SLC23A2: variants seen among roughly 807,000 people sequenced by gnomAD.
SLC23A2 encodes Na(+)/L-ascorbic acid transporter 2.
SLC23A2 carries 36 observed loss-of-function variants against 73.3 expected under a neutral mutation model. The observed-to-expected ratio is 0.49, with a 90% CI of 0.38 to 0.65. The LOEUF (loss-of-function observed/expected upper bound fraction) is 0.65. SLC23A2 is among the 30% of genes least tolerant of loss of function. SLC23A2 has a pLI of 0.00. For missense variants in SLC23A2, 507 were observed against 841.6 expected (o/e 0.60, Z 4.92); for synonymous variants, 343 against 327.3 (o/e 1.05, Z -0.52).
chr20:4,898,099 C>A (rs1319090672), intron 6 of SLC23A2, among the ~76,000 whole-genome samples: 2 of 152,180 alleles, frequency 1.3e-5, no homozygotes, highest in Admixed American at 6.5e-5. Flanking sequence ...AGGTTGAGCC[C>A]TTCTTGGAAG....
chr20:4,956,800 CTTTTTTT>C (rs759658782), intron 2 of SLC23A2, among the ~76,000 whole-genome samples: 14 of 111,934 alleles, frequency 1.3e-4, no homozygotes, highest in South Asian at 6.1e-4. Flanking sequence ...CTTCCCTCTT[CTTTTTTT>C]TTTTTTTTTT....
intron 6 of SLC23A2, among the ~76,000 whole-genome samples, chr20:4,898,260 A>G (rs946608732): frequency 1.3e-5 from 2 of 152,218 alleles, no homozygotes; most frequent in African/African-American, 4.8e-5. Flanking sequence ...AGAGCTTGCC[A>G]GCCCCAAAGC....
chr20:4,997,151 C>T (rs1457475376), intron 1 of SLC23A2, among the ~76,000 whole-genome samples: 1 of 152,182 alleles, frequency 6.6e-6, no homozygotes, highest in Admixed American at 6.5e-5. Flanking sequence ...GGCTGGTCTC[C>T]TTGCTGTCCT....
In SLC23A2 at chr20:4,885,520, G is replaced by A. The variant is rs759280437; in HGVS notation, c.571+301C>T. 1.2e-3 allele frequency among the ~76,000 whole-genome samples: 188 copies of A among 152,338 alleles called. 2 individuals carry two copies. The highest frequency in any genetic ancestry group is 5.9e-4 in the Non-Finnish European group (40 of 68,024). On this transcript the variant is annotated intron_variant, in intron 7 of 16. Coordinates refer to ENST00000338244, the MANE Select transcript of SLC23A2 (RefSeq NM_005116.6). ...GGGTCATAAAATCCACTGAAAGAGA[G>A]AGGCAGAAAAATAGCACAAATATTT...
chr20:4,991,720 TCACACACACACACACA>T (rs11471369), intron 1 of SLC23A2, among the ~76,000 whole-genome samples: 41 of 139,424 alleles, frequency 2.9e-4, no homozygotes, highest in East Asian at 1.1e-3. Context: ...AGACTCCGTT[TCACACACACACACACA>T]CACACACACA....
chr20:4,884,757 C>A lies in SLC23A2; in HGVS notation c.638G>T (p.Arg213Leu), dbSNP rs200887058. 1.2e-6 allele frequency: 2 copies of A among 1,608,862 alleles called. No homozygotes were observed. Among genetic ancestry groups the A allele is most frequent in the African/African-American group, 1.3e-5 (1 of 74,846 alleles). The change falls in exon 8 of 17, where the codon CGA (arginine) becomes CTA (leucine). Residue 213 changes from arginine (R) to leucine (L), a missense_variant. Arg to Leu is a moderately radical substitution (Grantham distance 102). Coordinates refer to ENST00000338244, the MANE Select transcript of SLC23A2 (RefSeq NM_005116.6). ...CAGACAACGCTTGTCTTTTACCTCT[C>A]GGATCCGGGGATACCAGATGTGTTC... is the stretch of plus-strand genomic sequence containing the variant. ...HTEHIWYPRI[R>L]EIQGAIIMSS...
rs536519850 is a variant in SLC23A2 at position 4,862,537 on chromosome 20, C to G, written c.1486+241G>C. ...ATTTGAGTTAAATTGGTCAGAAATA[C>G]TAAAGAGATTAAATTTAATTGAAAT... On this transcript the variant is annotated intron_variant, in intron 14 of 16. Transcript: ENST00000338244. The surrounding 1 kb of genome is among the most constrained non-coding windows in gnomAD (Gnocchi z 5.1). 6.6e-6 allele frequency among the ~76,000 whole-genome samples: 1 copy of G among 152,122 alleles called. No homozygotes were observed. Among genetic ancestry groups the G allele is most frequent in the Admixed American group, 6.5e-5 (1 of 15,268 alleles).
At chr20:4,888,718 G>C in intron 6 of SLC23A2, among the ~76,000 whole-genome samples, 1 of 152,204 alleles carries the variant, frequency 6.6e-6, no homozygotes, top group East Asian at 1.9e-4. Context: ...TTAAGGCACA[G>C]AGAAAATATC....
chr20:4,859,751 A>G (rs1929884882), intron 15 of SLC23A2, among the ~76,000 whole-genome samples: 1 of 152,250 alleles, frequency 6.6e-6, no homozygotes, highest in South Asian at 2.1e-4. Flanking sequence ...AAAATTACAA[A>G]GTGAATAATA....
intron 2 of SLC23A2, among the ~76,000 whole-genome samples, chr20:4,944,646 T>G (rs746936760): frequency 4.6e-5 from 7 of 152,232 alleles, no homozygotes; most frequent in Non-Finnish European, 2.9e-5. Context: ...TTGTCTGCAC[T>G]TCTTTAAACC....
In SLC23A2 at chr20:4,856,412, G is replaced by A. The variant is rs553982279; in HGVS notation, c.*560C>T. 6.5e-6 allele frequency: 1 copy of A among 153,318 alleles called. No individual in the cohort carries two copies. The highest frequency in any genetic ancestry group is 2.4e-5 in the African/African-American group (1 of 41,572). 9.5% of individuals were successfully genotyped at this position (153,318 alleles called of 1,614,324 possible). A position where few individuals can be genotyped will look rare whatever the true frequency, so the allele number is the denominator to read the frequency against. ...CCCATGGCCAGATCTGGGCACAGGG[G>A]AGCCACGCCACTGTTTTCAGGTCAA... On this transcript the variant is annotated 3_prime_UTR_variant, in exon 17 of 17. Transcript: ENST00000338244. The surrounding 1 kb of genome is among the most constrained non-coding windows in gnomAD (Gnocchi z 4.6).
chr20:4,867,137 C>T (rs2049578674), intron 13 of SLC23A2, among the ~76,000 whole-genome samples: 1 of 151,458 alleles, frequency 6.6e-6, no homozygotes, highest in African/African-American at 2.4e-5. Flanking sequence ...TCTGTGGCTG[C>T]CTACCTACCT....
chr20:4,895,205 G>A (rs1003278231), intron 6 of SLC23A2, among the ~76,000 whole-genome samples: 12 of 152,194 alleles, frequency 7.9e-5, no homozygotes, highest in Non-Finnish European at 1.3e-4. Flanking sequence ...CTAAGCCTAA[G>A]GAAATGAGTG....
intron 16 of SLC23A2, among the ~76,000 whole-genome samples, chr20:4,858,142 T>C (rs893006310): frequency 6.6e-6 from 1 of 152,192 alleles, no homozygotes; most frequent in Non-Finnish European, 1.5e-5. Flanking sequence ...CATGCTGCTT[T>C]GCTCCATTTT....
At chr20:4,975,142 G>A (rs1600191865) in intron 1 of SLC23A2, among the ~76,000 whole-genome samples, 2 of 152,102 alleles carry the variant, frequency 1.3e-5, no homozygotes, top group East Asian at 3.9e-4. Flanking sequence ...AATTACAAAA[G>A]CAAATTACTC....
At chr20:4,976,450 C>T (rs935279416) in intron 1 of SLC23A2, among the ~76,000 whole-genome samples, 4 of 148,146 alleles carry the variant, frequency 2.7e-5, no homozygotes, top group Admixed American at 6.7e-5. Flanking sequence ...CCAACATGGG[C>T]GGATCACCTG....
chr20:4,980,659 T>C (rs894236645), intron 1 of SLC23A2, among the ~76,000 whole-genome samples: 4 of 151,870 alleles, frequency 2.6e-5, no homozygotes, highest in Admixed American at 1.3e-4. Context: ...GCTTCCCTAA[T>C]AGCTGGGATT....
intron 15 of SLC23A2, among the ~76,000 whole-genome samples, chr20:4,860,739 T>C (rs1021838815): frequency 6.6e-6 from 1 of 152,202 alleles, no homozygotes; most frequent in Non-Finnish European, 1.5e-5. Flanking sequence ...GAACATTATC[T>C]AGTCATAAAA....
At chr20:4,869,525 A>G (rs1930351864) in intron 12 of SLC23A2, 1 of 162,880 alleles carries the variant, frequency 6.1e-6, no homozygotes, top group Admixed American at 6.0e-5. Context: ...GATTTTATCT[A>G]TCTAATCTCC....
Sources: allele counts gnomAD v4.1 joint callset (sites outside exome capture counted in the v4.1 genomes callset), GRCh38; gene constraint gnomAD v4.1.1; non-coding constraint Gnocchi (gnomAD v3.1); transcripts MANE v1.5; gene names NCBI Gene and HGNC (gene_info 2026-07-23, HGNC 2026-07-21).